Variants in WDR37 observed in about 807,000 individuals in gnomAD.
WDR37 encodes WD repeat-containing protein 37.
A neutral mutation model predicts 62.9 loss-of-function variants in WDR37; 19 were observed. The observed-to-expected ratio is 0.30, with a 90% CI of 0.21 to 0.44. The LOEUF is 0.44. WDR37 is among the 20% of genes least tolerant of loss of function. The pLI, the probability that WDR37 is intolerant of heterozygous loss-of-function variation, is 1.00. For missense variants in WDR37, 474 were observed against 657.6 expected (o/e 0.72, Z 3.05); for synonymous variants, 250 against 260.9 (o/e 0.96, Z 0.40).
intron 7 of WDR37, among the ~76,000 whole-genome samples, chr10:1,090,930 G>A (rs1015680241): frequency 2.0e-5 from 3 of 152,106 alleles, no homozygotes; most frequent in Admixed American, 6.5e-5. Flanking sequence ...GTGCTGCCCC[G>A]GCCTTCCTGC....
intron 13 of WDR37, among the ~76,000 whole-genome samples, chr10:1,126,387 C>A (rs1446790135): frequency 6.9e-6 from 1 of 145,288 alleles, no homozygotes; most frequent in Non-Finnish European, 1.5e-5. Flanking sequence ...GCCTGGGCGA[C>A]AGAGCGAGAC....
At chr10:1,087,018 AG>A (rs1834223503) in intron 7 of WDR37, among the ~76,000 whole-genome samples, 1 of 152,172 alleles carries the variant, frequency 6.6e-6, no homozygotes, top group South Asian at 2.1e-4. Flanking sequence ...GTGTGCACAG[AG>A]GGACAGGTGT....
rs1341831594 is a variant in WDR37 at position 1,056,532 on chromosome 10, C to G, written c.-477C>G. On this transcript the variant is annotated 5_prime_UTR_variant, in exon 1 of 14. Coordinates refer to ENST00000263150, the MANE Select transcript of WDR37 (RefSeq NM_014023.4). ...CAGCCCTCCCGCCCCGGCTGCCGGG[C>G]TACGGGGCAGATGGACTCGGAGCGC... 3 of 152,154 alleles carry G rather than the reference C, an allele frequency of 2.0e-5. No homozygotes were observed. In the East Asian group the frequency reaches 5.8e-4, roughly 29 times the overall value. The allele number at this position is 152,154 out of a possible 1,614,324, so 9.4% of individuals were successfully genotyped here. A position where few individuals can be genotyped will look rare whatever the true frequency, so the allele number is the denominator to read the frequency against.
chr10:1,092,093 TG>T (rs1451869652), intron 7 of WDR37, among the ~76,000 whole-genome samples: 7 of 141,958 alleles, frequency 4.9e-5, no homozygotes, highest in African/African-American at 1.9e-4. Context: ...GGCAGGAGAA[TG>T]GCATGAACCT....
chr10:1,100,393 T>A (rs1450826710), intron 9 of WDR37, among the ~76,000 whole-genome samples: 1 of 152,158 alleles, frequency 6.6e-6, no homozygotes, highest in Non-Finnish European at 1.5e-5. Context: ...CTTCCAGCAC[T>A]ACTGGATGAA....
intron 11 of WDR37, among the ~76,000 whole-genome samples, chr10:1,114,676 T>C (rs1835331617): frequency 6.6e-6 from 1 of 152,238 alleles, no homozygotes; most frequent in Non-Finnish European, 1.5e-5. Context: ...CCGCAGAAGC[T>C]CCGAGATTGC....
At chr10:1,081,997 C>A (rs1045061721) in intron 5 of WDR37, among the ~76,000 whole-genome samples, 2 of 152,016 alleles carry the variant, frequency 1.3e-5, no homozygotes, top group Admixed American at 6.5e-5. Context: ...TATTTAAAGC[C>A]CAGTCATTTT....
chr10:1,096,455 A>T, intron 9 of WDR37: 1 of 593,808 alleles, frequency 1.7e-6, no homozygotes, highest in South Asian at 2.0e-5. Context: ...TCATAAGAGG[A>T]GACAGTGGAG....
chr10:1,117,852 C>T (rs1003772619), intron 11 of WDR37, among the ~76,000 whole-genome samples: 17 of 152,072 alleles, frequency 1.1e-4, no homozygotes, highest in Middle Eastern at 3.2e-3. Flanking sequence ...TCAGCATCTG[C>T]GCTGCGTGCA....
intron 11 of WDR37, among the ~76,000 whole-genome samples, chr10:1,106,275 G>A (rs532363146): frequency 1.3e-5 from 2 of 152,166 alleles, no homozygotes; most frequent in Admixed American, 6.5e-5. Flanking sequence ...CCACTGGCAA[G>A]TCTCCTGCCA....
Position 1,105,371 on chromosome 10 carries a change from C to A in WDR37, c.1103+104C>A. ...TTAATTTTCAGTATTTCCGACTCTACTATCTTTCAAAAAAATAACTACCTT... is the reference window on the plus strand; with the variant it reads ...TTAATTTTCAGTATTTCCGACTCTAATATCTTTCAAAAAAATAACTACCTT... On this transcript the variant is annotated intron_variant, in intron 11 of 13. Transcript: ENST00000263150. This position sits in a 1 kb window ranked among gnomAD's most constrained non-coding sequence, Gnocchi z 5.3. 1 of 1,361,284 alleles carries A rather than the reference C, an allele frequency of 7.3e-7. No individual in the cohort carries two copies. Among genetic ancestry groups the A allele is most frequent in the Non-Finnish European group, 9.9e-7 (1 of 1,008,538 alleles). The allele number at this position is 1,361,284 out of a possible 1,614,324, so 84.3% of individuals were successfully genotyped here. A position where few individuals can be genotyped will look rare whatever the true frequency, so the allele number is the denominator to read the frequency against.
Position 1,103,646 on chromosome 10 carries a change from C to T in WDR37, c.771C>T (p.Pro257=), listed in dbSNP as rs141147575. The change falls in exon 10 of 14, where the codon CCC becomes CCT. Residue 257 remains proline (P), a synonymous_variant. Coordinates refer to ENST00000263150, the MANE Select transcript of WDR37 (RefSeq NM_014023.4). The surrounding 1 kb of genome is among the most constrained non-coding windows in gnomAD (Gnocchi z 6.3). ...DEVECSDKDE[P]DLDGDVSSDC... is the part of the protein sequence containing the mutation. The stretch of plus-strand genomic sequence containing the variant: ...TAGAGTGCTCTGACAAGGACGAGCC[C>T]GACCTCGATGGGGATGTGTCCAGCG... The T allele has an allele frequency of 1.6e-4, 254 of 1,614,224 alleles. 1 individual carries two copies. In the East Asian group the frequency reaches 2.7e-3, roughly 17 times the overall value.
Position 1,129,658 on chromosome 10 carries a change from TGTGTGAA to T in WDR37, c.*315_*321del. 19 of 227,756 alleles carry T rather than the reference TGTGTGAA, an allele frequency of 8.3e-5. No individual in the cohort carries two copies. Among genetic ancestry groups the T allele is most frequent in the South Asian group, 5.4e-4 (7 of 12,930 alleles). 14.1% of individuals were successfully genotyped at this position (227,756 alleles called of 1,614,324 possible). On this transcript the variant is annotated 3_prime_UTR_variant, in exon 14 of 14. Transcript: ENST00000263150. ...CAGGTGAACAGTAGGGCATTACATT[TGTGTGAA>T]TTAAATGTGAACTTCTGTATTACGT...
chr10:1,058,470 A>T (rs1257514058), intron 1 of WDR37, among the ~76,000 whole-genome samples: 1 of 152,240 alleles, frequency 6.6e-6, no homozygotes, highest in Non-Finnish European at 1.5e-5. Flanking sequence ...TGAAACTAAG[A>T]TAGAGTTTTC....
intron 11 of WDR37, among the ~76,000 whole-genome samples, chr10:1,110,301 TC>T (rs1179477325): frequency 1.3e-5 from 2 of 152,166 alleles, no homozygotes; most frequent in African/African-American, 4.8e-5. Context: ...CACAAACTCT[TC>T]CTTCCTGACA....
intron 3 of WDR37, among the ~76,000 whole-genome samples, chr10:1,079,805 G>A (rs374434497): frequency 2.0e-3 from 301 of 152,212 alleles, no homozygotes; most frequent in African/African-American, 6.8e-3. Context: ...GATTACAGAC[G>A]TGAGCCACCT....
In WDR37 at chr10:1,074,521, C is replaced by T. The variant is rs73578526; in HGVS notation, c.138+2228C>T. On this transcript the variant is annotated intron_variant, in intron 2 of 13. Coordinates refer to ENST00000263150, the MANE Select transcript of WDR37 (RefSeq NM_014023.4). ...GTCAGCATGTTCTGTAAGTGGCCCCCGTGAGGTGCTCTGCCTTCCCCCTGC... is the reference window on the plus strand; with the variant it reads ...GTCAGCATGTTCTGTAAGTGGCCCCTGTGAGGTGCTCTGCCTTCCCCCTGC... The T allele has an allele frequency of 2.7e-4, 357 of 1,304,076 alleles. 1 individual carries two copies. The African/African-American group carries it at 4.0e-3, about 15-fold the overall frequency. The allele number at this position is 1,304,076 out of a possible 1,614,324, so 80.8% of individuals were successfully genotyped here.
In WDR37 at chr10:1,084,671, C is replaced by G. The variant is rs373876903; in HGVS notation, c.532+133C>G. 489 of 1,298,624 alleles carry G rather than the reference C, an allele frequency of 3.8e-4. 2 individuals carry two copies. In the African/African-American group the frequency reaches 6.2e-3, roughly 16 times the overall value. The allele number at this position is 1,298,624 out of a possible 1,614,324, so 80.4% of individuals were successfully genotyped here. The stretch of plus-strand genomic sequence containing the variant: ...TCATGGAGGAGTCAGTGGAACCCCC[C>G]ACACATTAACCCTTGGTGATGCTTA... On this transcript the variant is annotated intron_variant, in intron 6 of 13. Coordinates refer to ENST00000263150, the MANE Select transcript of WDR37 (RefSeq NM_014023.4).
chr10:1,074,423 G>C, intron 2 of WDR37: 1 of 1,304,074 alleles, frequency 7.7e-7, no homozygotes, highest in Non-Finnish European at 1.0e-6. Flanking sequence ...CTCCACCTTT[G>C]GCCTGTGTCT....
Sources: allele counts gnomAD v4.1 joint callset (sites outside exome capture counted in the v4.1 genomes callset), GRCh38; gene constraint gnomAD v4.1.1; non-coding constraint Gnocchi (gnomAD v3.1); transcripts MANE v1.5; gene names NCBI Gene and HGNC (gene_info 2026-07-23, HGNC 2026-07-21).